CNTNAP5: variants seen among roughly 807,000 people sequenced by gnomAD.
The protein encoded by CNTNAP5 is contactin-associated protein-like 5.
Under a neutral mutation model 150.2 loss-of-function variants are expected in CNTNAP5, and 72 were observed. The observed-to-expected ratio is 0.48, with a 90% CI of 0.40 to 0.58. The LOEUF is 0.58. Among genes scored for constraint, CNTNAP5 ranks in the 20% least tolerant of loss-of-function variants. The pLI is 0.00. For synonymous variants in CNTNAP5, 672 were observed against 619.8 expected (o/e 1.08, Z -1.25); for missense variants, 1,636 against 1,626.2 (o/e 1.01, Z -0.10).
intron 8 of CNTNAP5, among the ~76,000 whole-genome samples, chr2:124,518,920 CGGA>C (rs1472283814): frequency 1.5e-5 from 2 of 135,666 alleles, no homozygotes; most frequent in Non-Finnish European, 3.0e-5. Flanking sequence ...ACCCAGGAGG[CGGA>C]GGTTGCAGTG....
intron 13 of CNTNAP5, among the ~76,000 whole-genome samples, chr2:124,737,300 A>T (rs1680404737): frequency 6.6e-6 from 1 of 151,950 alleles, no homozygotes. Context: ...CAAAAAAAAA[A>T]AAAAAATTGG....
At chr2:124,598,907 C>T (rs1270241536) in intron 11 of CNTNAP5, among the ~76,000 whole-genome samples, 3 of 151,224 alleles carry the variant, frequency 2.0e-5, no homozygotes, top group Admixed American at 6.6e-5. Context: ...ACCCGATTTT[C>T]CAGGTGCGTC....
chr2:124,244,050 A>T (rs1686951117), intron 3 of CNTNAP5, among the ~76,000 whole-genome samples: 1 of 152,080 alleles, frequency 6.6e-6, no homozygotes, highest in African/African-American at 2.4e-5. Flanking sequence ...GGTTGTCTTT[A>T]GATTGAGTTG....
At chr2:124,426,876 G>T (rs897241672) in intron 4 of CNTNAP5, among the ~76,000 whole-genome samples, 1 of 152,188 alleles carries the variant, frequency 6.6e-6, no homozygotes, top group African/African-American at 2.4e-5. Flanking sequence ...ACTCCAGGAT[G>T]GGGGAGCGCA....
chr2:124,645,311 TG>T (rs1323533148), intron 12 of CNTNAP5, among the ~76,000 whole-genome samples: 1 of 152,216 alleles, frequency 6.6e-6, no homozygotes, highest in African/African-American at 2.4e-5. Context: ...TTGGATGCAG[TG>T]GCTCATGTCT....
intron 3 of CNTNAP5, among the ~76,000 whole-genome samples, chr2:124,385,267 C>T (rs375475863): frequency 2.0e-5 from 3 of 152,074 alleles, no homozygotes; most frequent in Admixed American, 6.5e-5. Flanking sequence ...GGAGAGAAAA[C>T]GTATCATTAT....
At chr2:124,222,187 T>G (rs1026969036) in intron 2 of CNTNAP5, among the ~76,000 whole-genome samples, 1 of 152,120 alleles carries the variant, frequency 6.6e-6, no homozygotes, top group African/African-American at 2.4e-5. Context: ...ATAAGTTTAA[T>G]TTTACTTGAA....
chr2:124,646,421 G>C (rs9646916), intron 12 of CNTNAP5, among the ~76,000 whole-genome samples: 74,709 of 151,934 alleles, frequency 0.49, 19,968 homozygotes, highest in Non-Finnish European at 0.62. Context: ...TTACTTTCTG[G>C]ACCTTAGTTT....
chr2:124,433,515 T>C (rs1692444731), intron 4 of CNTNAP5, among the ~76,000 whole-genome samples: 1 of 152,128 alleles, frequency 6.6e-6, no homozygotes, highest in African/African-American at 2.4e-5. Context: ...TGCTGAATAA[T>C]ACAAAAATTG....
At chr2:124,057,236 CTCTT>C (rs1558740294) in intron 1 of CNTNAP5, among the ~76,000 whole-genome samples, 1 of 151,320 alleles carries the variant, frequency 6.6e-6, no homozygotes, top group Non-Finnish European at 1.5e-5. Flanking sequence ...TTATACCTGA[CTCTT>C]TCTTTCTCCT....
intron 1 of CNTNAP5, among the ~76,000 whole-genome samples, chr2:124,205,321 G>A (rs918738455): frequency 6.6e-5 from 10 of 152,042 alleles, no homozygotes; most frequent in Non-Finnish European, 1.0e-4. Context: ...ACCAAGTGAA[G>A]AAGGACATGT....
intron 12 of CNTNAP5, among the ~76,000 whole-genome samples, chr2:124,616,421 A>G (rs1332802198): frequency 6.6e-6 from 1 of 152,172 alleles, no homozygotes; most frequent in African/African-American, 2.4e-5. Context: ...CAGCCTTTAT[A>G]GAATTGAAGA....
rs530496751 is a variant in CNTNAP5, at chr2:124,864,277, T to C, written c.3218-1029T>C. ...TATATTTATAAGGTACATAGAGATG[T>C]TTCAATACATATATGTATAGTGATC... On this transcript the variant is annotated intron_variant, in intron 19 of 23. Transcript: ENST00000682447. Among the ~76,000 whole-genome samples the C allele has an allele frequency of 2.6e-5, 4 of 152,320 alleles. No homozygotes were observed. The East Asian group carries it at 5.8e-4, about 22-fold the overall frequency.
At chr2:124,223,383 A>G (rs951876294) in intron 2 of CNTNAP5, among the ~76,000 whole-genome samples, 3 of 152,154 alleles carry the variant, frequency 2.0e-5, no homozygotes, top group Non-Finnish European at 4.4e-5. Context: ...TCAGTTTTTT[A>G]TCTGTAAAGT....
intron 1 of CNTNAP5, among the ~76,000 whole-genome samples, chr2:124,041,399 T>C: frequency 6.6e-6 from 1 of 152,206 alleles, no homozygotes; most frequent in East Asian, 1.9e-4. Flanking sequence ...TTACACACCA[T>C]CCACTGCTTT....
At chr2:124,343,851 C>T (rs892398705) in intron 3 of CNTNAP5, among the ~76,000 whole-genome samples, 2 of 152,100 alleles carry the variant, frequency 1.3e-5, no homozygotes, top group Non-Finnish European at 2.9e-5. Context: ...GAAGTTTAGC[C>T]CTGGCTTCTG....
At chr2:124,242,465 T>C (rs1573861655) in intron 3 of CNTNAP5, 72 bp downstream of exon 3, 1 of 1,389,138 alleles carries the variant, frequency 7.2e-7, no homozygotes, top group East Asian at 2.5e-5. Context: ...ATTTCCGTCA[T>C]TTTCCAATAT....
chr2:124,373,448 A>T (rs1690577035), intron 3 of CNTNAP5, among the ~76,000 whole-genome samples: 1 of 152,098 alleles, frequency 6.6e-6, no homozygotes, highest in South Asian at 2.1e-4. Context: ...AATGACCAGC[A>T]ATGACAAAGA....
chr2:124,080,398 A>C (rs1682532688), intron 1 of CNTNAP5, among the ~76,000 whole-genome samples: 1 of 152,190 alleles, frequency 6.6e-6, no homozygotes, highest in African/African-American at 2.4e-5. Context: ...ATGACTCTTA[A>C]ATTGCCATAA....
Sources: gnomAD v4.1 joint callset for allele counts (sites outside exome capture counted in the v4.1 genomes callset) on GRCh38, gnomAD v4.1.1 for gene constraint, MANE v1.5 for transcripts, NCBI Gene and HGNC (gene_info 2026-07-23, HGNC 2026-07-21) for gene names.